SUCLG2: variants seen among roughly 807,000 people sequenced by gnomAD.
SUCLG2 encodes the protein succinate-CoA ligase GDP-forming subunit beta, also known as succinate--CoA ligase [GDP-forming] subunit beta, mitochondrial.
In SUCLG2, 42 loss-of-function variants were observed where a neutral mutation model predicts 47.9. The observed-to-expected ratio is 0.88, with a 90% CI of 0.69 to 1.14. SUCLG2 has a LOEUF of 1.14. Ranked by LOEUF, SUCLG2 falls within the 50% of genes most tolerant of loss-of-function variation. The pLI, the probability that SUCLG2 is intolerant of heterozygous loss-of-function variation, is 0.00. For synonymous variants in SUCLG2, 195 were observed against 197.3 expected (o/e 0.99, Z 0.10); for missense variants, 571 against 525.9 (o/e 1.09, Z -0.84).
In SUCLG2 at chr3:67,510,213, T is replaced by A. The variant is rs79750324; in HGVS notation, c.661-1310A>T. On this transcript the variant is annotated intron_variant, in intron 6 of 10. Coordinates refer to ENST00000307227, the MANE Select transcript of SUCLG2 (RefSeq NM_003848.4). ...CTATGAAACACATCCCTAAAGTAAATCCCCACTGGTGTAAATATTGCAAGT... is the reference window on the plus strand; with the variant it reads ...CTATGAAACACATCCCTAAAGTAAAACCCCACTGGTGTAAATATTGCAAGT... Among the ~76,000 whole-genome samples, 1,066 of 152,264 alleles carry A rather than the reference T, an allele frequency of 7.0e-3. 6 individuals carry two copies. The highest frequency in any genetic ancestry group is 0.024 in the Middle Eastern group (7 of 292).
intron 4 of SUCLG2, among the ~76,000 whole-genome samples, chr3:67,522,107 T>C (rs1476409590): frequency 6.6e-6 from 1 of 151,966 alleles, no homozygotes; most frequent in East Asian, 1.9e-4. Flanking sequence ...CAGGCTGGAG[T>C]GCAATGGCAC....
In SUCLG2 at chr3:67,495,916, G is replaced by A. The variant is rs767001261; in HGVS notation, c.944C>T (p.Ala315Val). 2 of 1,613,972 alleles carry A rather than the reference G, an allele frequency of 1.2e-6. No homozygotes were observed. The highest frequency in any genetic ancestry group is 4.5e-5 in the East Asian group (2 of 44,852). ...ATTAAGGAAAATGATATCACAAGTA[G>A]CCATGGCGAGCCCAGCACCATTCAC... Reference protein sequence around the residue: ...CFVNGAGLAMATCDIIFLNGG... With the variant: ...CFVNGAGLAMVTCDIIFLNGG... Residue 315 changes from alanine to valine, a missense_variant, in exon 9 of 11, where the codon GCT becomes GTT. Coordinates refer to ENST00000307227, the MANE Select transcript of SUCLG2 (RefSeq NM_003848.4).
Position 67,375,332 on chromosome 3 carries a change from A to G in SUCLG2, c.*412T>C. ...CTTTTTAGTAATTAATATATTAAAT[A>G]TAATCTTGTCTGAGTTTTTAAATGG... On this transcript the variant is annotated 3_prime_UTR_variant, in exon 11 of 11. Coordinates refer to ENST00000307227, the MANE Select transcript of SUCLG2 (RefSeq NM_003848.4). The G allele has an allele frequency of 1.0e-6, 1 of 978,922 alleles. No individual in the cohort carries two copies. The highest frequency in any genetic ancestry group is 1.2e-6 in the Non-Finnish European group (1 of 823,732). The allele number at this position is 978,922 out of a possible 1,614,324, so 60.6% of individuals were successfully genotyped here.
chr3:67,562,966 T>C (rs1231843815), intron 2 of SUCLG2, among the ~76,000 whole-genome samples: 1 of 151,832 alleles, frequency 6.6e-6, no homozygotes, highest in Non-Finnish European at 1.5e-5. Flanking sequence ...CTATATAATT[T>C]ACACATTTTT....
At chr3:67,382,547 C>G (rs1243599831) in intron 10 of SUCLG2, among the ~76,000 whole-genome samples, 1 of 152,142 alleles carries the variant, frequency 6.6e-6, no homozygotes, top group Non-Finnish European at 1.5e-5. Context: ...CCAGCTGCCT[C>G]TTTTTGTATC....
chr3:67,633,117 A>AT, intron 1 of SUCLG2, among the ~76,000 whole-genome samples: 1 of 152,318 alleles, frequency 6.6e-6, no homozygotes, highest in Middle Eastern at 3.4e-3. Context: ...CAGGTAGTGC[A>AT]TTTTTTAATT....
At chr3:67,441,876 C>T (rs74680427) in intron 9 of SUCLG2, among the ~76,000 whole-genome samples, 9,033 of 152,302 alleles carry the variant, frequency 0.059, 362 homozygotes, top group Middle Eastern at 0.13. Flanking sequence ...TCTGCTCCTC[C>T]TCCCAAATCT....
chr3:67,645,934 A>T (rs899616069), intron 1 of SUCLG2, among the ~76,000 whole-genome samples: 3 of 151,678 alleles, frequency 2.0e-5, no homozygotes, highest in Non-Finnish European at 2.9e-5. Context: ...GATAAAAAAT[A>T]GTTCCTTATA....
In SUCLG2 at chr3:67,508,838, C is replaced by T; in HGVS notation, c.726G>A (p.Val242=). Residue 242 remains valine (V), a synonymous_variant, in exon 7 of 11, where the codon GTG becomes GTA. Coordinates refer to ENST00000307227, the MANE Select transcript of SUCLG2 (RefSeq NM_003848.4). ...CTTCTGGAGTTTCACCAAAGGGATT[C>T]ACTTCCACCTGAGTAGCATCAATTT... The part of the protein sequence containing the change: ...FLKIDATQVE[V]NPFGETPEGQ... 1 of 1,609,186 alleles carries T rather than the reference C, an allele frequency of 6.2e-7. No individual in the cohort carries two copies. Among genetic ancestry groups the T allele is most frequent in the East Asian group, 2.2e-5 (1 of 44,648 alleles).
chr3:67,591,361 G>A (rs749739792), intron 2 of SUCLG2, among the ~76,000 whole-genome samples: 2 of 152,196 alleles, frequency 1.3e-5, no homozygotes, highest in Non-Finnish European at 2.9e-5. Flanking sequence ...TCAATGGACT[G>A]AGATTGAAAA....
intron 10 of SUCLG2, among the ~76,000 whole-genome samples, chr3:67,391,411 T>C (rs1575664182): frequency 6.6e-6 from 1 of 152,126 alleles, no homozygotes; most frequent in South Asian, 2.1e-4. Context: ...CATGATGGTA[T>C]GTGATCCTTT....
chr3:67,547,445 C>T (rs1227779906), intron 2 of SUCLG2, among the ~76,000 whole-genome samples: 1 of 152,140 alleles, frequency 6.6e-6, no homozygotes, highest in Non-Finnish European at 1.5e-5. Flanking sequence ...GTAAACAATA[C>T]ATCTATAGAA....
intron 9 of SUCLG2, among the ~76,000 whole-genome samples, chr3:67,493,520 C>T (rs1027485096): frequency 3.9e-5 from 6 of 152,148 alleles, no homozygotes; most frequent in Admixed American, 1.3e-4. Context: ...TTTCCACTAT[C>T]CCTCCCCATC....
At chr3:67,362,132 T>C (rs1701810854) in intron 10 of SUCLG2, among the ~76,000 whole-genome samples, 1 of 152,220 alleles carries the variant, frequency 6.6e-6, no homozygotes. Context: ...TGATTTGTTA[T>C]ACAGCATTCT....
At chr3:67,410,240 T>C (rs1351105901) in intron 9 of SUCLG2, among the ~76,000 whole-genome samples, 1 of 152,182 alleles carries the variant, frequency 6.6e-6, no homozygotes, top group Non-Finnish European at 1.5e-5. Context: ...AGTTATAGTA[T>C]CTACAAAAGT....
downstream of SUCLG2, among the ~76,000 whole-genome samples, chr3:67,372,488 G>A (rs1701968511): frequency 1.3e-5 from 2 of 152,130 alleles, no homozygotes; most frequent in South Asian, 4.1e-4. Context: ...TTAGTTGATA[G>A]GTGCAGCCCT....
downstream of SUCLG2, among the ~76,000 whole-genome samples, chr3:67,374,396 G>A (rs1422938327): frequency 3.3e-5 from 5 of 152,238 alleles, no homozygotes; most frequent in South Asian, 4.1e-4. Flanking sequence ...GAAAATTAAT[G>A]GTGGCAATTG....
chr3:67,605,004 C>G (rs535545642), intron 2 of SUCLG2, among the ~76,000 whole-genome samples: 1 of 152,322 alleles, frequency 6.6e-6, no homozygotes, highest in African/African-American at 2.4e-5. Context: ...TCTGGTCTCT[C>G]TGTGAGTTAG....
chr3:67,428,943 G>A (rs1703384776), intron 9 of SUCLG2, among the ~76,000 whole-genome samples: 1 of 152,220 alleles, frequency 6.6e-6, no homozygotes, highest in Non-Finnish European at 1.5e-5. Flanking sequence ...AAGAAATATG[G>A]GACTATGTGA....
Sources: gnomAD v4.1 joint callset for allele counts (sites outside exome capture counted in the v4.1 genomes callset) on GRCh38, gnomAD v4.1.1 for gene constraint, MANE v1.5 for transcripts, NCBI Gene and HGNC (gene_info 2026-07-23, HGNC 2026-07-21) for gene names.